The following CPNE4 variants were observed in gnomAD, a reference collection of about 807,000 sequenced individuals.
CPNE4 encodes the protein copine-4.
In CPNE4, 25 loss-of-function variants were observed where a neutral mutation model predicts 67.9. That is an observed-to-expected ratio of 0.37 (90% CI 0.27 to 0.51). The LOEUF (loss-of-function observed/expected upper bound fraction) is 0.51. Among genes scored for constraint, CPNE4 ranks in the 20% least tolerant of loss-of-function variants. The pLI, the probability that CPNE4 is intolerant of heterozygous loss-of-function variation, is 0.93. For missense variants in CPNE4, 464 were observed against 690.8 expected (o/e 0.67, Z 3.68); for synonymous variants, 242 against 244.9 (o/e 0.99, Z 0.11).
chr3:131,726,710 A>G (rs1291141025), intron 2 of CPNE4, among the ~76,000 whole-genome samples: 2 of 74,492 alleles, frequency 2.7e-5, no homozygotes, highest in East Asian at 8.6e-4. Context: ...GCTGCATCCT[A>G]ATCAACTGGG....
chr3:131,915,811 A>G (rs2089160809), intron 1 of CPNE4, among the ~76,000 whole-genome samples: 1 of 152,212 alleles, frequency 6.6e-6, no homozygotes, highest in Non-Finnish European at 1.5e-5. Context: ...GGAATCAGAT[A>G]CATTGATGTT....
chr3:131,627,898 A>C (rs1285713249), intron 7 of CPNE4, among the ~76,000 whole-genome samples: 4 of 152,216 alleles, frequency 2.6e-5, no homozygotes, highest in Admixed American at 2.0e-4. Flanking sequence ...TCTTGAGATG[A>C]AATCTACTCC....
chr3:131,844,707 G>T (rs565062286), intron 2 of CPNE4, among the ~76,000 whole-genome samples: 2 of 152,190 alleles, frequency 1.3e-5, no homozygotes, highest in East Asian at 3.9e-4. Flanking sequence ...AAAGATATTA[G>T]CTCATAAAAT....
intron 15 of CPNE4, among the ~76,000 whole-genome samples, chr3:131,537,275 T>C (rs1326499579): frequency 1.3e-5 from 2 of 150,348 alleles, no homozygotes; most frequent in African/African-American, 2.5e-5. Context: ...GTACATTTTT[T>C]CTTTTCTGTT....
intron 7 of CPNE4, among the ~76,000 whole-genome samples, chr3:131,602,806 T>C (rs1169382213): frequency 4.6e-5 from 7 of 152,186 alleles, no homozygotes; most frequent in African/African-American, 1.7e-4. Context: ...AATTTACAGG[T>C]GTAATATCTA....
chr3:131,792,754 T>TAC (rs781127455), intron 2 of CPNE4, among the ~76,000 whole-genome samples: 5 of 113,978 alleles, frequency 4.4e-5, no homozygotes, highest in African/African-American at 1.5e-4. Flanking sequence ...TGTATATATA[T>TAC]ACACACACTA....
chr3:131,850,433 T>C (rs1424016558), intron 2 of CPNE4, among the ~76,000 whole-genome samples: 2 of 152,074 alleles, frequency 1.3e-5, no homozygotes, highest in Admixed American at 6.6e-5. Context: ...TGAGCCCCAA[T>C]TATTTGATCG....
At chr3:132,026,748 A>T (rs2074123653) in intron 1 of CPNE4, among the ~76,000 whole-genome samples, 2 of 152,190 alleles carry the variant, frequency 1.3e-5, no homozygotes, top group South Asian at 2.1e-4. Flanking sequence ...TCTTCTCAGG[A>T]TGGATGGAGA....
chr3:131,832,171 T>C (rs2085398509), intron 2 of CPNE4, among the ~76,000 whole-genome samples: 1 of 152,194 alleles, frequency 6.6e-6, no homozygotes, highest in African/African-American at 2.4e-5. Flanking sequence ...GTTATAGAAG[T>C]CTTATATAGC....
intron 7 of CPNE4, among the ~76,000 whole-genome samples, chr3:131,616,590 TG>T (rs1479841187): frequency 2.6e-5 from 4 of 152,234 alleles, no homozygotes; most frequent in Non-Finnish European, 5.9e-5. Flanking sequence ...ACACAGGTGA[TG>T]CTTCTTGGTC....
At chr3:131,708,161 C>T (rs1273633387) in intron 3 of CPNE4, among the ~76,000 whole-genome samples, 2 of 152,016 alleles carry the variant, frequency 1.3e-5, no homozygotes, top group Non-Finnish European at 2.9e-5. Flanking sequence ...AATTGATGGG[C>T]CTTCATGACT....
In CPNE4 at chr3:131,696,520, A is replaced by G. The variant is rs140550867; in HGVS notation, c.507+22T>C. On this transcript the variant is annotated intron_variant, in intron 5 of 15. Coordinates refer to ENST00000429747, the MANE Select transcript of CPNE4 (RefSeq NM_130808.3). ...GCTAGCTTTGTTACTTCCTTCAATAAGGTTAATGCCAAACGCTTTACCTTG... is the reference window on the plus strand; with the variant it reads ...GCTAGCTTTGTTACTTCCTTCAATAGGGTTAATGCCAAACGCTTTACCTTG... 1,336 of 1,608,024 alleles carry G rather than the reference A, an allele frequency of 8.3e-4. 2 individuals carry two copies. The Middle Eastern group carries it at 0.012, about 14-fold the overall frequency.
intron 2 of CPNE4, among the ~76,000 whole-genome samples, chr3:131,783,350 G>A (rs1248425492): frequency 6.6e-6 from 1 of 152,088 alleles, no homozygotes; most frequent in Non-Finnish European, 1.5e-5. Flanking sequence ...CCCCTTCTGT[G>A]TTAGTTACCT....
intron 7 of CPNE4, among the ~76,000 whole-genome samples, chr3:131,593,802 C>T (rs1331031958): frequency 6.6e-6 from 1 of 152,122 alleles, no homozygotes; most frequent in African/African-American, 2.4e-5. Context: ...ACCTCTGCCT[C>T]CTGGGTTCAA....
intron 2 of CPNE4, among the ~76,000 whole-genome samples, chr3:131,864,144 C>T (rs146462536): frequency 6.6e-6 from 1 of 151,312 alleles, no homozygotes; most frequent in Non-Finnish European, 1.5e-5. Flanking sequence ...TAGCGTGATG[C>T]CTCCAGCTTT....
At chr3:131,867,374 A>T (rs1285279341) in intron 2 of CPNE4, among the ~76,000 whole-genome samples, 1 of 152,188 alleles carries the variant, frequency 6.6e-6, no homozygotes, top group East Asian at 1.9e-4. Flanking sequence ...CAAAAAGTTA[A>T]ACAGATTTTA....
At chr3:131,816,220 T>G (rs2107955657) in intron 2 of CPNE4, among the ~76,000 whole-genome samples, 1 of 152,260 alleles carries the variant, frequency 6.6e-6, no homozygotes, top group South Asian at 2.1e-4. Flanking sequence ...GGACAATAGG[T>G]TTTAATATGT....
chr3:131,769,531 C>T (rs1271836265), intron 2 of CPNE4, among the ~76,000 whole-genome samples: 3 of 152,090 alleles, frequency 2.0e-5, no homozygotes, highest in African/African-American at 2.4e-5. Flanking sequence ...AAAATGATTA[C>T]CTGACACTTC....
At chr3:131,667,306 A>G (rs1227891012) in intron 7 of CPNE4, among the ~76,000 whole-genome samples, 1 of 152,198 alleles carries the variant, frequency 6.6e-6, no homozygotes. Flanking sequence ...GGAGTTTAAC[A>G]AGGCTCCCAG....
Sources: gnomAD v4.1 joint callset for allele counts (sites outside exome capture counted in the v4.1 genomes callset) on GRCh38, gnomAD v4.1.1 for gene constraint, MANE v1.5 for transcripts, NCBI Gene and HGNC (gene_info 2026-07-23, HGNC 2026-07-21) for gene names.